DSG2: variants seen among roughly 807,000 people sequenced by gnomAD.
DSG2 encodes desmoglein 2.
A neutral mutation model predicts 75.6 loss-of-function variants in DSG2; 45 were observed. The observed-to-expected ratio is 0.60, with a 90% CI of 0.47 to 0.76. DSG2 has a LOEUF of 0.76. Ranked by LOEUF, DSG2 falls within the 30% of genes least tolerant of loss-of-function variation. DSG2 has a pLI of 0.00. For synonymous variants in DSG2, 429 were observed against 483.9 expected (o/e 0.89, Z 1.49); for missense variants, 1,267 against 1,357.4 (o/e 0.93, Z 1.05).
At chr18:31,531,601 G>A (rs914069783) in intron 9 of DSG2, among the ~76,000 whole-genome samples, 17 of 152,216 alleles carry the variant, frequency 1.1e-4, no homozygotes, top group African/African-American at 2.7e-4. Context: ...GGGTGAGAAC[G>A]TAGCAGATAA....
At chr18:31,523,991 G>GTTC (rs2073144930) in intron 6 of DSG2, among the ~76,000 whole-genome samples, 1 of 152,178 alleles carries the variant, frequency 6.6e-6, no homozygotes, top group Admixed American at 6.6e-5. Context: ...CTGAGAAGCC[G>GTTC]TTCTCTAGGA....
chr18:31,527,667 CAAATT>C (rs1303692093), intron 8 of DSG2, among the ~76,000 whole-genome samples: 5 of 152,190 alleles, frequency 3.3e-5, no homozygotes, highest in Admixed American at 6.5e-5. Flanking sequence ...TAGGGAAAAT[CAAATT>C]AAAACTATAA....
At chr18:31,533,533 G>A (rs573920288) in intron 9 of DSG2, among the ~76,000 whole-genome samples, 1 of 152,314 alleles carries the variant, frequency 6.6e-6, no homozygotes, top group Non-Finnish European at 1.5e-5. Flanking sequence ...AAGCAGCTAT[G>A]CTACTTGAAT....
intron 1 of DSG2, among the ~76,000 whole-genome samples, chr18:31,504,084 C>T (rs2073027094): frequency 1.3e-5 from 2 of 152,190 alleles, no homozygotes; most frequent in African/African-American, 2.4e-5. Context: ...ATACATTCGT[C>T]CACTCAACAA....
chr18:31,504,550 C>T (rs1465702903), intron 1 of DSG2, among the ~76,000 whole-genome samples: 4 of 148,232 alleles, frequency 2.7e-5, no homozygotes, highest in East Asian at 1.9e-4. Context: ...TGGCCTAGCA[C>T]GATGGGCAGA....
intron 12 of DSG2, 58 bp from the exon 13 acceptor site, chr18:31,541,135 T>C: frequency 6.2e-7 from 1 of 1,612,216 alleles, no homozygotes; most frequent in Admixed American, 1.7e-5. Flanking sequence ...TTGTGCAATA[T>C]AAATTTAGAA....
rs2144361989 is a variant in DSG2 at position 31,546,682 on chromosome 18, C to T, written c.3296C>T (p.Thr1099Ile). The part of the protein sequence containing the change: ...GLEESGHSNS[T>I]ITTSSTRVTK... The stretch of plus-strand genomic sequence containing the variant: ...GAGGAATCTGGTCATTCTAATTCTA[C>T]CATAACCACATCTTCCACCAGAGTT... Residue 1099 changes from threonine to isoleucine, a missense_variant, in exon 15 of 15, where the codon ACC (threonine) becomes ATC (isoleucine). Transcript: ENST00000261590. The T allele has an allele frequency of 6.2e-7, 1 of 1,614,170 alleles. No individual in the cohort carries two copies. The highest frequency in any genetic ancestry group is 8.5e-7 in the Non-Finnish European group (1 of 1,180,012).
chr18:31,522,385 A>G, intron 6 of DSG2, 136 bp downstream of exon 6: 1 of 884,770 alleles, frequency 1.1e-6, no homozygotes, highest in Non-Finnish European at 1.7e-6. Context: ...ACTCTCTTTT[A>G]GGGATGTGCT....
chr18:31,546,034 C>G lies in DSG2; in HGVS notation c.2648C>G (p.Ser883Cys), dbSNP rs371498622. The change falls in exon 15 of 15, where the codon TCC (serine) becomes TGC (cysteine). Residue 883 changes from serine to cysteine, a missense_variant. Transcript: ENST00000261590. The stretch of plus-strand genomic sequence containing the variant: ...ATGGTTAATTCAGAGAATACCTACT[C>G]CTCTGGCAGTAGCTTCCCAGTTCCA... ...QTMVNSENTY[S>C]SGSSFPVPKS... The G allele has an allele frequency of 1.2e-6, 2 of 1,614,144 alleles. No homozygotes were observed. Among genetic ancestry groups the G allele is most frequent in the South Asian group, 2.2e-5 (2 of 91,078 alleles).
At position 31,532,904 on chromosome 18, in the gene DSG2, CTGTTT is replaced by C. The variant is rs536375624; in HGVS notation, c.1280+1658_1280+1662del. 6.1e-3 allele frequency among the ~76,000 whole-genome samples: 855 copies of C among 139,290 alleles called. 6 individuals carry two copies. The highest frequency in any genetic ancestry group is 0.021 in the African/African-American group (777 of 37,018). The allele number at this position is 139,290 out of a possible 152,430, so 91.4% of individuals were successfully genotyped here. A position where few individuals can be genotyped will look rare whatever the true frequency, so the allele number is the denominator to read the frequency against. On this transcript the variant is annotated intron_variant, in intron 9 of 14. Transcript: ENST00000261590. ...CCACCAAATTATTGACTTTTGGCTGCTGTTTTGTTTGTTTGTTTGTTTGTTTGTTT... is the reference window on the plus strand; with the variant it reads ...CCACCAAATTATTGACTTTTGGCTGCTGTTTGTTTGTTTGTTTGTTTGTTT...
chr18:31,523,607 A>G (rs572324702), intron 6 of DSG2, among the ~76,000 whole-genome samples: 1 of 152,300 alleles, frequency 6.6e-6, no homozygotes, highest in South Asian at 2.1e-4. Flanking sequence ...AAGGACGGAA[A>G]GTTTAGCCAA....
At chr18:31,522,317 T>C in intron 6 of DSG2, 68 bp downstream of exon 6, 2 of 1,445,316 alleles carry the variant, frequency 1.4e-6, no homozygotes, top group Non-Finnish European at 1.9e-6. Flanking sequence ...TCTCTTTTTC[T>C]TTTCTAATTT....
intron 1 of DSG2, among the ~76,000 whole-genome samples, chr18:31,511,239 G>A (rs1017275043): frequency 2.0e-5 from 3 of 152,130 alleles, no homozygotes; most frequent in African/African-American, 7.2e-5. Flanking sequence ...AGTTGTAAGG[G>A]CTATCATGTG....
intron 10 of DSG2, among the ~76,000 whole-genome samples, chr18:31,535,702 G>A (rs1163622693): frequency 4.0e-5 from 6 of 151,640 alleles, no homozygotes; most frequent in African/African-American, 1.5e-4. Flanking sequence ...ACTGAGGCAG[G>A]AGAATTGCTT....
chr18:31,518,529 A>G (rs1457490033), intron 2 of DSG2, among the ~76,000 whole-genome samples: 1 of 152,228 alleles, frequency 6.6e-6, no homozygotes, highest in African/African-American at 2.4e-5. Flanking sequence ...GTGCTGAATG[A>G]AAATCGGGGC....
intron 8 of DSG2, among the ~76,000 whole-genome samples, chr18:31,525,682 T>C (rs1020878470): frequency 2.6e-5 from 4 of 152,212 alleles, no homozygotes; most frequent in East Asian, 1.9e-4. Flanking sequence ...AAAAGTTTCA[T>C]TGGGCAGGTT....
chr18:31,500,949 G>T (rs1310330755), intron 1 of DSG2, among the ~76,000 whole-genome samples: 1 of 152,044 alleles, frequency 6.6e-6, no homozygotes, highest in African/African-American at 2.4e-5. Context: ...ATGAGTGTGG[G>T]GAAGACACTG....
At chr18:31,531,591 G>C (rs1467712433) in intron 9 of DSG2, among the ~76,000 whole-genome samples, 2 of 152,232 alleles carry the variant, frequency 1.3e-5, no homozygotes, top group Non-Finnish European at 2.9e-5. Flanking sequence ...TATTATTGGA[G>C]GGTGAGAACG....
rs749191457 is a variant in DSG2 at position 31,531,067 on chromosome 18, G to C, written c.1095G>C (p.Arg365Ser). 1.3e-5 allele frequency: 21 copies of C among 1,613,936 alleles called. No homozygotes were observed. Among genetic ancestry groups the C allele is most frequent in the Middle Eastern group, 1.6e-4 (1 of 6,084 alleles). The stretch of plus-strand genomic sequence containing the variant: ...AAGCAGCTTTTCACAAGTCGATTAG[G>C]AGTAAATACAAGCCTACACCCATTC... ...ANKAAFHKSI[R>S]SKYKPTPIPI... The change falls in exon 9 of 15, where the codon AGG becomes AGC. Residue 365 changes from arginine (R) to serine (S), a missense_variant. Arg to Ser is a moderately radical substitution (Grantham distance 110, BLOSUM62 -1). Transcript: ENST00000261590.
Sources: allele counts gnomAD v4.1 joint callset (sites outside exome capture counted in the v4.1 genomes callset), GRCh38; gene constraint gnomAD v4.1.1; transcripts MANE v1.5; gene names NCBI Gene and HGNC (gene_info 2026-07-23, HGNC 2026-07-21).